DNASE1: variants seen among roughly 807,000 people sequenced by gnomAD.
The protein encoded by DNASE1 is deoxyribonuclease-1.
DNASE1 carries 40 observed loss-of-function variants against 33.9 expected under a neutral mutation model. That is an observed-to-expected ratio of 1.18 (90% confidence interval 0.92 to 1.54). DNASE1 has a LOEUF of 1.54. Among genes scored for constraint, DNASE1 ranks in the 40% most tolerant of loss-of-function variants. The pLI is 0.00. For missense variants in DNASE1, 518 were observed against 372.6 expected (o/e 1.39, Z -3.21); for synonymous variants, 216 against 160.0 (o/e 1.35, Z -2.64).
intron 1 of DNASE1, among the ~76,000 whole-genome samples, chr16:3,646,214 T>TGG (rs960520009): frequency 6.6e-6 from 1 of 151,512 alleles, no homozygotes; most frequent in South Asian, 2.1e-4. Context: ...GGTTTTTCTC[T>TGG]GGGGGGGGTC....
upstream of DNASE1, among the ~76,000 whole-genome samples, chr16:3,638,584 T>C (rs937784229): frequency 1.3e-5 from 2 of 152,210 alleles, no homozygotes; most frequent in East Asian, 1.9e-4. Flanking sequence ...GTGATCCGCC[T>C]GCCTCGGCCT....
downstream of DNASE1, chr16:3,661,600 T>G (rs776773076): frequency 5.2e-6 from 1 of 192,212 alleles, no homozygotes; most frequent in Non-Finnish European, 1.1e-5. Context: ...AATGAACTTG[T>G]GGCAGCCCCT....
intron 1 of DNASE1, among the ~76,000 whole-genome samples, chr16:3,644,630 G>A (rs1451060423): frequency 1.3e-5 from 2 of 151,562 alleles, no homozygotes; most frequent in African/African-American, 4.9e-5. Flanking sequence ...AGCTACTTGA[G>A]AGACTGAGGA....
chr16:3,658,249 A>G, downstream of DNASE1: 5 of 1,602,200 alleles, frequency 3.1e-6, no homozygotes, highest in Non-Finnish European at 4.3e-6. Context: ...CAAGAGGAGA[A>G]ACCCATTATG....
intron 1 of DNASE1, among the ~76,000 whole-genome samples, chr16:3,629,643 G>A (rs1409384293): frequency 6.6e-6 from 1 of 152,158 alleles, no homozygotes; most frequent in African/African-American, 2.4e-5. Context: ...AAAGTTTTGA[G>A]AAGGGTTGGT....
downstream of DNASE1, chr16:3,662,673 G>C (rs941155615): frequency 1.3e-5 from 9 of 692,778 alleles, no homozygotes; most frequent in Admixed American, 6.0e-5. Context: ...CTCTGGAGCA[G>C]GGCTGGGAGA....
chr16:3,634,616 C>T (rs1412382525), intron 1 of DNASE1, among the ~76,000 whole-genome samples: 1 of 152,080 alleles, frequency 6.6e-6, no homozygotes, highest in Admixed American at 6.6e-5. Flanking sequence ...CTCAAATGAT[C>T]CTCCTGCTTC....
chr16:3,628,684 G>A (rs1355346109), intron 1 of DNASE1, among the ~76,000 whole-genome samples: 4 of 150,760 alleles, frequency 2.7e-5, no homozygotes, highest in African/African-American at 7.3e-5. Flanking sequence ...TCAGGCTCCC[G>A]AATAGCTGGG....
intron 1 of DNASE1, among the ~76,000 whole-genome samples, chr16:3,630,934 A>G (rs1315451029): frequency 6.6e-6 from 1 of 152,038 alleles, no homozygotes; most frequent in Non-Finnish European, 1.5e-5. Flanking sequence ...CTGTCTTCTG[A>G]TTGGAGAGTT....
intron 1 of DNASE1, among the ~76,000 whole-genome samples, chr16:3,630,060 C>CT (rs2041646818): frequency 6.6e-6 from 1 of 152,236 alleles, no homozygotes; most frequent in Non-Finnish European, 1.5e-5. Context: ...CGCAGGTGAT[C>CT]TGCCCACCTC....
chr16:3,653,841 A>AAAAGG (rs781310896), upstream of DNASE1: 1 of 125,056 alleles, frequency 8.0e-6, no homozygotes, highest in Admixed American at 9.2e-5. Flanking sequence ...AAAAAAAAAA[A>AAAAGG]CTGAGCATGG....
At chr16:3,657,656 G>T (rs1266860461) in intron 7 of DNASE1, 64 bp from the exon 8 acceptor site, 2 of 1,599,606 alleles carry the variant, frequency 1.3e-6, no homozygotes, top group Non-Finnish European at 1.7e-6. Flanking sequence ...TTTAGTTCCT[G>T]CGGGTGCTGA....
intron 1 of DNASE1, among the ~76,000 whole-genome samples, chr16:3,631,658 G>A (rs1167043735): frequency 1.3e-5 from 2 of 152,080 alleles, no homozygotes; most frequent in African/African-American, 4.8e-5. Flanking sequence ...CTAGTAGTGG[G>A]ATTATAAGCA....
intron 1 of DNASE1, among the ~76,000 whole-genome samples, chr16:3,635,414 C>T (rs543012068): frequency 2.1e-5 from 3 of 143,150 alleles, no homozygotes; most frequent in South Asian, 4.4e-4. Flanking sequence ...GCCAAGATCG[C>T]ACCATTGCAC....
chr16:3,654,248 A>G (rs1400573637), upstream of DNASE1: 3 of 397,744 alleles, frequency 7.5e-6, no homozygotes, highest in Non-Finnish European at 1.3e-5. Context: ...GTCTACCTCA[A>G]GAAGGCTCCC....
rs1226298270 is a variant in DNASE1, at chr16:3,654,792, T to C, written c.-254T>C. On this transcript the variant is annotated 5_prime_UTR_variant, in exon 1 of 9. Coordinates refer to ENST00000246949, the MANE Select transcript of DNASE1 (RefSeq NM_005223.4). ...CACAGAGCCATTGTTTTCTGCACTC[T>C]CAGGTGACGGCTCACATTTGCCCCA... 1 of 401,558 alleles carries C rather than the reference T, an allele frequency of 2.5e-6. No homozygotes were observed. Among genetic ancestry groups the C allele is most frequent in the Non-Finnish European group, 4.4e-6 (1 of 228,278 alleles). 24.9% of individuals were successfully genotyped at this position (401,558 alleles called of 1,614,324 possible). A position where few individuals can be genotyped will look rare whatever the true frequency, so the allele number is the denominator to read the frequency against.
At chr16:3,664,534 C>A (rs1316279192) in exon 10 of DNASE1, 11 of 1,456,932 alleles carry the variant, frequency 7.6e-6, no homozygotes, top group African/African-American at 2.9e-5. Context: ...TGGGCGCAAA[C>A]CCTCCGATGC....
In DNASE1 at chr16:3,622,366, A is replaced by C. The variant is rs1405938638; in HGVS notation, c.-1359+10360A>C. Among the ~76,000 whole-genome samples, 7 of 152,162 alleles carry C rather than the reference A, an allele frequency of 4.6e-5. No individual in the cohort carries two copies. In the East Asian group the frequency reaches 1.3e-3, roughly 29 times the overall value. On this transcript the variant is annotated intron_variant and NMD_transcript_variant, in intron 1 of 11. Coordinates refer to the DNASE1 transcript ENST00000570769. ...TTAAAAATTGGTGTCTTGTAGCTTT[A>C]CTTTACATTTCTTTCATTGAGGAAA...
At chr16:3,613,122 C>T (rs1481803234) in intron 1 of DNASE1, among the ~76,000 whole-genome samples, 1 of 152,122 alleles carries the variant, frequency 6.6e-6, no homozygotes, top group African/African-American at 2.4e-5. Flanking sequence ...CGTACCCATT[C>T]GTAGTCACTC....
Sources: allele counts gnomAD v4.1 joint callset (sites outside exome capture counted in the v4.1 genomes callset), GRCh38; gene constraint gnomAD v4.1.1; transcripts MANE v1.5; gene names NCBI Gene and HGNC (gene_info 2026-07-23, HGNC 2026-07-21).